CATIP: variants seen among roughly 807,000 people sequenced by gnomAD.
CATIP encodes the protein ciliogenesis associated TTC17 interacting protein.
In CATIP, 40 loss-of-function variants were observed where a neutral mutation model predicts 42.5. That is an observed-to-expected ratio of 0.94 (90% CI 0.73 to 1.22). CATIP has a LOEUF of 1.22. Ranked by LOEUF, CATIP falls within the 50% of genes most tolerant of loss-of-function variation. The probability of loss-of-function intolerance (pLI) is 0.00; values close to 1 mark genes in which losing one functional copy is unlikely to be tolerated. For synonymous variants in CATIP, 222 were observed against 200.2 expected (o/e 1.11, Z -0.92); for missense variants, 489 against 496.0 (o/e 0.99, Z 0.13).
At chr2:218,362,040 T>A (rs1574739011) in intron 5 of CATIP, among the ~76,000 whole-genome samples, 1 of 148,930 alleles carries the variant, frequency 6.7e-6, no homozygotes, top group Non-Finnish European at 1.5e-5. Flanking sequence ...AAGACAAGGA[T>A]TCATTCATTA....
chr2:218,367,677 G>A (rs764309424), intron 9 of CATIP, 45 bp from the exon 10 acceptor site: 1 of 1,575,988 alleles, frequency 6.3e-7, no homozygotes, highest in South Asian at 1.1e-5. Context: ...CTCCTGGGGC[G>A]CGGGGGTCCC....
At position 218,367,063 on chromosome 2, in the gene CATIP, C is replaced by A; in HGVS notation, c.795C>A (p.Cys265Ter). The A allele has an allele frequency of 6.2e-7, 1 of 1,613,820 alleles. No individual in the cohort carries two copies. The highest frequency in any genetic ancestry group is 1.7e-4 in the Middle Eastern group (1 of 6,060). Residue 265 changes from cysteine to a stop codon, truncating the protein, a stop_gained, in exon 8 of 10, where the codon TGC becomes TGA. Transcript: ENST00000289388. LOFTEE classifies it high-confidence loss of function. ...AKRIQVGSPG[C>*]CIITKMPILR... is the part of the protein sequence containing the mutation. ...GAATACAGGTGGGCTCCCCAGGGTG[C>A]TGCATCATCACCAAGATGCCCATCT...
In CATIP at chr2:218,360,621, G is replaced by T. The variant is rs1405756833; in HGVS notation, c.424G>T (p.Asp142Tyr). The T allele has an allele frequency of 6.2e-7, 1 of 1,614,006 alleles. No homozygotes were observed. Among genetic ancestry groups the T allele is most frequent in the Non-Finnish European group, 8.5e-7 (1 of 1,179,972 alleles). ...ERKMSLLKQD[D>Y]QLAVTRSIKE... Reference sequence around the variant, plus strand: ...GAAGATGAGTTTGCTGAAGCAGGATGATCAGCTGGCTGTGACCAGAAGTAT... The same window carrying T: ...GAAGATGAGTTTGCTGAAGCAGGATTATCAGCTGGCTGTGACCAGAAGTAT... The change falls in exon 5 of 10, where the codon GAT becomes TAT. Residue 142 changes from aspartate to tyrosine, a missense_variant. Physicochemically the swap from Asp to Tyr is radical, Grantham distance 160. Transcript: ENST00000289388.
intron 9 of CATIP, 40 bp from the exon 10 acceptor site, chr2:218,367,682 G>A (rs1695506804): frequency 1.3e-6 from 2 of 1,576,260 alleles, no homozygotes; most frequent in Non-Finnish European, 1.7e-6. Flanking sequence ...GGGGCGCGGG[G>A]GTCCCGTCCG....
At chr2:218,360,707 G>A in intron 5 of CATIP, 48 bp downstream of exon 5, 1 of 1,380,442 alleles carries the variant, frequency 7.2e-7, no homozygotes, top group East Asian at 2.3e-5. Flanking sequence ...TGTGAACCCA[G>A]AATATCTGAG....
In CATIP at chr2:218,356,871, G is replaced by A; in HGVS notation, c.-14G>A. 6.2e-7 allele frequency: 1 copy of A among 1,614,068 alleles called. No individual in the cohort carries two copies. The highest frequency in any genetic ancestry group is 2.2e-5 in the East Asian group (1 of 44,868). On this transcript the variant is annotated 5_prime_UTR_variant, in exon 1 of 10. Coordinates refer to ENST00000289388, the MANE Select transcript of CATIP (RefSeq NM_198559.2). ...GACAGCTGGACACAGACCGGGTAGA[G>A]GCAGGCCCACAGCATGTCCTCCAAG...
chr2:218,357,567 A>AGAC lies in CATIP; in HGVS notation c.154_156dup (p.Thr52dup). On this transcript the variant is annotated inframe_insertion, in exon 3 of 10. Transcript: ENST00000289388. ...GAGCTACAGATGCTGTTCTTCTCTG[A>AGAC]GACGCTGGCCATGGTCTCAGACACC... 1 of 1,614,048 alleles carries AGAC rather than the reference A, an allele frequency of 6.2e-7. No homozygotes were observed. Among genetic ancestry groups the AGAC allele is most frequent in the Non-Finnish European group, 8.5e-7 (1 of 1,179,982 alleles).
At position 218,357,676 on chromosome 2, in the gene CATIP, C is replaced by T. The variant is rs766168040; in HGVS notation, c.261C>T (p.Phe87=). Residue 87 remains phenylalanine, a synonymous_variant, in exon 3 of 10, where the codon TTC becomes TTT. Coordinates refer to ENST00000289388, the MANE Select transcript of CATIP (RefSeq NM_198559.2). ...EKLGMLTYCL[F]VHASSRGFLD... ...TCGGCATGCTGACATACTGCCTCTTCGTGCATGCCTCTAGCCGAGGCTTCT... is the reference window on the plus strand; with the variant it reads ...TCGGCATGCTGACATACTGCCTCTTTGTGCATGCCTCTAGCCGAGGCTTCT... 22 of 1,614,076 alleles carry T rather than the reference C, an allele frequency of 1.4e-5. No individual in the cohort carries two copies. In the Admixed American group the frequency reaches 1.5e-4, roughly 11 times the overall value.
At chr2:218,367,236 GC>G in intron 8 of CATIP, 136 bp downstream of exon 8, 1 of 773,968 alleles carries the variant, frequency 1.3e-6, no homozygotes, top group East Asian at 2.6e-5. Flanking sequence ...GAGAACATCT[GC>G]CCTCCAGCCC....
At position 218,356,870 on chromosome 2, in the gene CATIP, A is replaced by T; in HGVS notation, c.-15A>T. 1 of 1,614,028 alleles carries T rather than the reference A, an allele frequency of 6.2e-7. No individual in the cohort carries two copies. Among genetic ancestry groups the T allele is most frequent in the Non-Finnish European group, 8.5e-7 (1 of 1,179,990 alleles). On this transcript the variant is annotated 5_prime_UTR_variant, in exon 1 of 10. Transcript: ENST00000289388. ...AGACAGCTGGACACAGACCGGGTAG[A>T]GGCAGGCCCACAGCATGTCCTCCAA... is the stretch of plus-strand genomic sequence containing the variant.
At position 218,367,974 on chromosome 2, in the gene CATIP, A is replaced by G; in HGVS notation, c.*10A>G. On this transcript the variant is annotated 3_prime_UTR_variant, in exon 10 of 10. Coordinates refer to ENST00000289388, the MANE Select transcript of CATIP (RefSeq NM_198559.2). Reference sequence around the variant, plus strand: ...CTCGGGGGCGGCCTAAGCGGGGCCCAGGCCCGGACAGGGCAGGAAACCAGG... The same window carrying G: ...CTCGGGGGCGGCCTAAGCGGGGCCCGGGCCCGGACAGGGCAGGAAACCAGG... 1.3e-6 allele frequency: 2 copies of G among 1,552,812 alleles called. No homozygotes were observed. Among genetic ancestry groups the G allele is most frequent in the Middle Eastern group, 2.2e-4 (1 of 4,488 alleles).
Position 218,358,024 on chromosome 2 carries a change from C to T in CATIP, c.320-13C>T, listed in dbSNP as rs201033663. 1,854 of 1,612,392 alleles carry T rather than the reference C, an allele frequency of 1.1e-3. 9 individuals are homozygous for T. Among genetic ancestry groups the T allele is most frequent in the Middle Eastern group, 7.6e-3 (46 of 6,060 alleles). On this transcript the variant is annotated splice_polypyrimidine_tract_variant and intron_variant, in intron 3 of 9. Coordinates refer to ENST00000289388, the MANE Select transcript of CATIP (RefSeq NM_198559.2). ...TCTCCTGTGACGTCAATGCCTGTGT[C>T]CCTGCACCCCAGGCTATCTCTCAGA...
At chr2:218,362,567 G>A (rs1487836152) in intron 5 of CATIP, among the ~76,000 whole-genome samples, 168 bp from the exon 6 acceptor site, 3 of 152,104 alleles carry the variant, frequency 2.0e-5, no homozygotes, top group Non-Finnish European at 2.9e-5. Flanking sequence ...AGGAGGCGGA[G>A]GTTGCAGTGA....
intron 6 of CATIP, among the ~76,000 whole-genome samples, chr2:218,364,157 T>C (rs1441781567): frequency 1.3e-5 from 2 of 152,224 alleles, no homozygotes; most frequent in Non-Finnish European, 2.9e-5. Context: ...TCCGTGTTCT[T>C]TGAAACATGT....
intron 1 of CATIP, 72 bp downstream of exon 1, chr2:218,356,981 T>C: frequency 6.3e-7 from 1 of 1,598,140 alleles, no homozygotes; most frequent in Non-Finnish European, 8.6e-7. Flanking sequence ...CGGGGTAGTC[T>C]TAGAGGATTC....
In CATIP at chr2:218,367,905, C is replaced by T. The variant is rs762711644; in HGVS notation, c.1105C>T (p.Arg369Trp). ...PSSPALGSSH[R>W]PNPFRSLEPE... Reference sequence around the variant, plus strand: ...GTCACCGGCCTTGGGCTCCTCCCACCGGCCCAACCCTTTCCGCTCCCTGGA... The same window carrying T: ...GTCACCGGCCTTGGGCTCCTCCCACTGGCCCAACCCTTTCCGCTCCCTGGA... The change falls in exon 10 of 10, where the codon CGG becomes TGG. Residue 369 changes from arginine (R) to tryptophan (W), a missense_variant. By Grantham distance (101) the Arg-to-Trp change is moderately radical. Transcript: ENST00000289388. 1 of 1,611,808 alleles carries T rather than the reference C, an allele frequency of 6.2e-7. No homozygotes were observed. The highest frequency in any genetic ancestry group is 1.1e-5 in the South Asian group (1 of 90,994).
chr2:218,367,335 C>A, intron 8 of CATIP, 95 bp from the exon 9 acceptor site: 1 of 1,206,604 alleles, frequency 8.3e-7, no homozygotes, highest in Non-Finnish European at 1.2e-6. Flanking sequence ...TGGGGTTTCA[C>A]CTGAGCCTTC....
Position 218,367,111 on chromosome 2 carries a change from C to T in CATIP, c.832+11C>T. The T allele has an allele frequency of 1.2e-6, 2 of 1,604,986 alleles. No homozygotes were observed. The highest frequency in any genetic ancestry group is 2.2e-5 in the East Asian group (1 of 44,836). On this transcript the variant is annotated intron_variant, in intron 8 of 9. Transcript: ENST00000289388. ...TCTTGAGGGAAGAGGGTGAGTGAAG[C>T]CCAGGCCTTGTGCAGGCAGGGAGAG...
intron 4 of CATIP, 66 bp from the exon 5 acceptor site, chr2:218,360,507 A>G: frequency 8.3e-7 from 1 of 1,207,638 alleles, no homozygotes; most frequent in Non-Finnish European, 1.2e-6. Context: ...TTAATGGAGA[A>G]GGGTCAGGTG....
Sources: allele counts gnomAD v4.1 joint callset (sites outside exome capture counted in the v4.1 genomes callset), GRCh38; gene constraint gnomAD v4.1.1; transcripts MANE v1.5; gene names NCBI Gene and HGNC (gene_info 2026-07-23, HGNC 2026-07-21).